Variants in R3HCC1 observed in about 807,000 individuals in gnomAD.
R3HCC1 encodes the protein R3H domain and coiled-coil containing 1.
R3HCC1 carries 32 observed loss-of-function variants against 40.0 expected under a neutral mutation model. The observed-to-expected ratio is 0.80, with a 90% CI of 0.60 to 1.07. R3HCC1 has a LOEUF of 1.07. Among genes scored for constraint, R3HCC1 ranks in the 50% least tolerant of loss-of-function variants. The probability of loss-of-function intolerance (pLI) is 0.00; values close to 1 mark genes in which losing one functional copy is unlikely to be tolerated. For synonymous variants in R3HCC1, 237 were observed against 232.8 expected (o/e 1.02, Z -0.17); for missense variants, 586 against 563.3 (o/e 1.04, Z -0.41).
intron 6 of R3HCC1, among the ~76,000 whole-genome samples, chr8:23,294,004 C>A (rs1178956430): frequency 2.0e-5 from 3 of 152,194 alleles, no homozygotes; most frequent in Non-Finnish European, 2.9e-5. Context: ...CGCCACGCCC[C>A]CTTTACTGGT....
At chr8:23,288,984 C>G (rs958027123) in intron 2 of R3HCC1, 32 bp from the exon 3 acceptor site, 85 of 1,535,340 alleles carry the variant, frequency 5.5e-5, no homozygotes, top group Non-Finnish European at 6.9e-5. Flanking sequence ...GCCCTGGACA[C>G]CTGCTCAGCA....
intron 6 of R3HCC1, 128 bp from the exon 7 acceptor site, chr8:23,294,641 G>T: frequency 4.3e-6 from 3 of 702,298 alleles, no homozygotes; most frequent in South Asian, 3.3e-5. Flanking sequence ...CATCCAGGGC[G>T]GTGTCGGAGC....
intron 3 of R3HCC1, among the ~76,000 whole-genome samples, chr8:23,289,531 C>T (rs1383277870): frequency 2.0e-5 from 3 of 152,154 alleles, no homozygotes; most frequent in Admixed American, 1.3e-4. Context: ...GAGCATCTTA[C>T]TTTAATGACT....
At position 23,296,166 on chromosome 8, in the gene R3HCC1, C is replaced by T; in HGVS notation, c.*69C>T. The T allele has an allele frequency of 6.7e-7, 1 of 1,488,232 alleles. No homozygotes were observed. Among genetic ancestry groups the T allele is most frequent in the East Asian group, 2.5e-5 (1 of 40,128 alleles). The allele number at this position is 1,488,232 out of a possible 1,614,324, so 92.2% of individuals were successfully genotyped here. A position where few individuals can be genotyped will look rare whatever the true frequency, so the allele number is the denominator to read the frequency against. On this transcript the variant is annotated 3_prime_UTR_variant, in exon 8 of 8. Coordinates refer to ENST00000265806, the MANE Select transcript of R3HCC1 (RefSeq NM_001136108.3). ...TGGCGCCCCCAACACCATAAGCCTT[C>T]ACAGACGCCAGAGCAGCCCCGCACC...
At chr8:23,292,696 C>G (rs1802894020) in intron 5 of R3HCC1, among the ~76,000 whole-genome samples, 2 of 152,246 alleles carry the variant, frequency 1.3e-5, no homozygotes, top group African/African-American at 4.8e-5. Context: ...TTCCGCTGTG[C>G]TCTGCTCCTG....
intron 2 of R3HCC1, 111 bp from the exon 3 acceptor site, chr8:23,288,905 C>G (rs558207797): frequency 7.9e-7 from 1 of 1,267,270 alleles, no homozygotes; most frequent in Non-Finnish European, 1.1e-6. Flanking sequence ...CCATCTGGGA[C>G]CCAGAGGGGC....
chr8:23,293,057 C>G (rs1802903271), intron 5 of R3HCC1, among the ~76,000 whole-genome samples: 1 of 152,134 alleles, frequency 6.6e-6, no homozygotes, highest in African/African-American at 2.4e-5. Context: ...GTCCTGGCTT[C>G]TTTAGTTCTA....
chr8:23,288,370 G>T (rs1194699039), intron 1 of R3HCC1, 136 bp from the exon 2 acceptor site: 8 of 1,287,764 alleles, frequency 6.2e-6, no homozygotes, highest in Non-Finnish European at 8.4e-6. Flanking sequence ...CTTGCCGGGG[G>T]TCCCTGGCAT....
At chr8:23,288,814 G>C (rs530519558) in intron 2 of R3HCC1, among the ~76,000 whole-genome samples, 181 bp downstream of exon 2, 1 of 152,150 alleles carries the variant, frequency 6.6e-6, no homozygotes, top group Non-Finnish European at 1.5e-5. Context: ...CCCCCAGACT[G>C]ATGGGGCCCG....
chr8:23,292,541 G>C (rs1181168747), intron 5 of R3HCC1, among the ~76,000 whole-genome samples: 1 of 152,204 alleles, frequency 6.6e-6, no homozygotes, highest in East Asian at 1.9e-4. Context: ...GTGAACCCGG[G>C]AGGTGGAGCT....
chr8:23,291,198 C>A (rs562685242), intron 4 of R3HCC1, 163 bp from the exon 5 acceptor site: 3 of 933,382 alleles, frequency 3.2e-6, no homozygotes, highest in East Asian at 2.7e-5. Context: ...AAAACCCATG[C>A]GTCTTGACGT....
chr8:23,295,906 G>T, intron 7 of R3HCC1, 61 bp from the exon 8 acceptor site: 1 of 1,496,786 alleles, frequency 6.7e-7, no homozygotes, highest in Non-Finnish European at 8.9e-7. Flanking sequence ...CTGCTGTGTT[G>T]CTGGGGGAGA....
Position 23,296,111 on chromosome 8 carries a change from A to C in R3HCC1, c.*14A>C, listed in dbSNP as rs189979151. On this transcript the variant is annotated 3_prime_UTR_variant, in exon 8 of 8. Transcript: ENST00000265806. ...CTGCCGCCCTGAGGCCTGGAGACCC[A>C]ACTGGCCTGGATCTGCGTCCCGACG... 18 of 1,546,418 alleles carry C rather than the reference A, an allele frequency of 1.2e-5. No homozygotes were observed. In the Admixed American group the frequency reaches 1.2e-4, roughly 10 times the overall value.
At position 23,289,863 on chromosome 8, in the gene R3HCC1, C is replaced by T. The variant is rs1390022882; in HGVS notation, c.249-3C>T. Reference sequence around the variant, plus strand: ...TGATTACCTCCTCCCATTCCTGCTCCAGGGTACCCAGTTCGGATGGCCTCT... The same window carrying T: ...TGATTACCTCCTCCCATTCCTGCTCTAGGGTACCCAGTTCGGATGGCCTCT... On this transcript the variant is annotated splice_region_variant and splice_polypyrimidine_tract_variant and intron_variant, in intron 3 of 7. Transcript: ENST00000265806. 1 of 1,498,988 alleles carries T rather than the reference C, an allele frequency of 6.7e-7. No homozygotes were observed. Among genetic ancestry groups the T allele is most frequent in the East Asian group, 2.5e-5 (1 of 40,562 alleles). 92.9% of individuals were successfully genotyped at this position (1,498,988 alleles called of 1,614,324 possible).
chr8:23,288,166 A>G lies in R3HCC1; in HGVS notation c.-19+9A>G, dbSNP rs776097575. The stretch of plus-strand genomic sequence containing the variant: ...CGCGCCGAGAGGCCGCGGTGAGTGC[A>G]GCAGCACTGGGGGGGTGGTCGTCCC... On this transcript the variant is annotated intron_variant, in intron 1 of 7. Transcript: ENST00000265806. 4.9e-5 allele frequency: 60 copies of G among 1,228,888 alleles called. 1 individual carries two copies. The highest frequency in any genetic ancestry group is 4.5e-4 in the South Asian group (31 of 68,846). 76.1% of individuals were successfully genotyped at this position (1,228,888 alleles called of 1,614,324 possible). A position where few individuals can be genotyped will look rare whatever the true frequency, so the allele number is the denominator to read the frequency against.
chr8:23,296,001 A>C lies in R3HCC1; in HGVS notation c.1227A>C (p.Thr409=). 6.4e-7 allele frequency: 1 copy of C among 1,550,972 alleles called. No homozygotes were observed. Among genetic ancestry groups the C allele is most frequent in the Non-Finnish European group, 8.7e-7 (1 of 1,146,824 alleles). The change falls in exon 8 of 8, where the codon ACA becomes ACC. Residue 409 remains threonine (T), a synonymous_variant. Coordinates refer to ENST00000265806, the MANE Select transcript of R3HCC1 (RefSeq NM_001136108.3). The stretch of plus-strand genomic sequence containing the variant: ...GTCTGGTGAAGGAGAGGCCACAGAC[A>C]AATGCGACTGTGGCCCGGCGGCTGG...
At chr8:23,289,209 A>G (rs1295894071) in intron 3 of R3HCC1, 56 bp downstream of exon 3, 113 of 1,522,566 alleles carry the variant, frequency 7.4e-5, no homozygotes, top group Non-Finnish European at 9.8e-5. Flanking sequence ...GTGGCCAGCT[A>G]GCTGGTCAGC....
At position 23,295,820 on chromosome 8, in the gene R3HCC1, C is replaced by T. The variant is rs547790225; in HGVS notation, c.1193-147C>T. 54 of 1,217,280 alleles carry T rather than the reference C, an allele frequency of 4.4e-5. No homozygotes were observed. The Middle Eastern group carries it at 8.8e-4, about 20-fold the overall frequency. 75.4% of individuals were successfully genotyped at this position (1,217,280 alleles called of 1,614,324 possible). A position where few individuals can be genotyped will look rare whatever the true frequency, so the allele number is the denominator to read the frequency against. On this transcript the variant is annotated intron_variant, in intron 7 of 7. Transcript: ENST00000265806. ...AAGTTGGCCCCCTCTCATGAGCATC[C>T]GGCCACACCACGGGCACAGCTGGGC...
chr8:23,290,036 C>T lies in R3HCC1; in HGVS notation c.419C>T (p.Pro140Leu), dbSNP rs1802827860. ...AAGCCTGACCAGCCTTTGTATGTGCCCCGGGTGCTGCGCAGGCAGGAAGAA... is the reference window on the plus strand; with the variant it reads ...AAGCCTGACCAGCCTTTGTATGTGCTCCGGGTGCTGCGCAGGCAGGAAGAA... Residue 140 changes from proline (P) to leucine (L), a missense_variant, in exon 4 of 8, where the codon CCC becomes CTC. Physicochemically the swap from Pro to Leu is moderately conservative, Grantham distance 98. Transcript: ENST00000265806. The T allele has an allele frequency of 1.3e-6, 2 of 1,542,768 alleles. No homozygotes were observed. Among genetic ancestry groups the T allele is most frequent in the South Asian group, 1.2e-5 (1 of 84,068 alleles).
Sources: gnomAD v4.1 joint callset for allele counts (sites outside exome capture counted in the v4.1 genomes callset) on GRCh38, gnomAD v4.1.1 for gene constraint, MANE v1.5 for transcripts, NCBI Gene and HGNC (gene_info 2026-07-23, HGNC 2026-07-21) for gene names.